The following SIPA1L1 variants were observed in gnomAD, a reference collection of about 807,000 sequenced individuals.
The protein encoded by SIPA1L1 is signal-induced proliferation-associated 1-like protein 1.
In SIPA1L1, 26 loss-of-function variants were observed where a neutral mutation model predicts 162.7. The ratio of observed to expected loss-of-function variants is 0.16; its 90% CI spans 0.12 to 0.22. The LOEUF (loss-of-function observed/expected upper bound fraction) is 0.22, where lower values mean the gene tolerates loss of function less well. SIPA1L1 is among the 10% of genes least tolerant of loss of function. The probability of loss-of-function intolerance (pLI) is 1.00; values close to 1 mark genes in which losing one functional copy is unlikely to be tolerated. For synonymous variants in SIPA1L1, 829 were observed against 837.4 expected, an observed-to-expected ratio of 0.99 and a Z score of 0.17; for missense variants, 1,874 against 2,241.0, an observed-to-expected ratio of 0.84 and a Z score of 3.31.
chr14:71,522,840 C>G (rs1470914463), intron 3 of SIPA1L1, among the ~76,000 whole-genome samples: 1 of 152,022 alleles, frequency 6.6e-6, no homozygotes, highest in Non-Finnish European at 1.5e-5. Flanking sequence ...ATTACAGGCT[C>G]CACCACCACA....
chr14:71,602,385 T>C (rs913659970), intron 5 of SIPA1L1, among the ~76,000 whole-genome samples: 2 of 152,218 alleles, frequency 1.3e-5, no homozygotes, highest in Admixed American at 1.3e-4. Context: ...TCTCTTATTA[T>C]TGGTTTCTAG....
intron 7 of SIPA1L1, among the ~76,000 whole-genome samples, chr14:71,638,097 C>A (rs2041345561): frequency 1.3e-5 from 2 of 152,092 alleles, no homozygotes; most frequent in South Asian, 4.2e-4. Context: ...ATCTACTGGG[C>A]CAGATGGTTT....
chr14:71,501,321 AAAAT>A (rs1010114047), intron 2 of SIPA1L1, among the ~76,000 whole-genome samples: 1 of 152,054 alleles, frequency 6.6e-6, no homozygotes, highest in Non-Finnish European at 1.5e-5. Context: ...CCCTGTCTCA[AAAAT>A]AAATAAATAA....
intron 2 of SIPA1L1, among the ~76,000 whole-genome samples, chr14:71,367,449 G>A (rs1188160916): frequency 6.6e-6 from 1 of 151,752 alleles, no homozygotes; most frequent in Non-Finnish European, 1.5e-5. Context: ...TGGGACTACA[G>A]GCGCCCGCCA....
At position 71,661,312 on chromosome 14, in the gene SIPA1L1, C is replaced by A; in HGVS notation, c.2100C>A (p.Leu700=). 1 of 1,611,604 alleles carries A rather than the reference C, an allele frequency of 6.2e-7. No individual in the cohort carries two copies. The highest frequency in any genetic ancestry group is 8.5e-7 in the Non-Finnish European group (1 of 1,178,700). ...TGGTTGCTTATTTTTTCTTGTAGCT[C>A]CTGAGGAAGCGGCACATTGGAAATG... ...LPYTPNNKQQ[L]LRKRHIGNDI... is the part of the protein sequence containing the mutation. Residue 700 remains leucine (L), a splice_region_variant and synonymous_variant, in exon 10 of 24, where the codon CTC becomes CTA. Coordinates refer to ENST00000381232, the MANE Select transcript of SIPA1L1 (RefSeq NM_001386936.1).
intron 5 of SIPA1L1, among the ~76,000 whole-genome samples, chr14:71,608,869 G>T (rs1322857931): frequency 6.6e-6 from 1 of 152,048 alleles, no homozygotes; most frequent in Admixed American, 6.5e-5. Context: ...TCCAGCCTGG[G>T]TGACAAAGCG....
At chr14:71,648,633 C>A (rs1483848014) in intron 7 of SIPA1L1, among the ~76,000 whole-genome samples, 2 of 152,070 alleles carry the variant, frequency 1.3e-5, no homozygotes, top group Non-Finnish European at 2.9e-5. Flanking sequence ...GGGGCAGTAC[C>A]CCACAATCAA....
At chr14:71,589,661 G>A (rs963293840) in intron 5 of SIPA1L1, among the ~76,000 whole-genome samples, 1 of 152,098 alleles carries the variant, frequency 6.6e-6, no homozygotes, top group African/African-American at 2.4e-5. Flanking sequence ...CAGTAGATTT[G>A]CTGTGTCACC....
chr14:71,484,694 A>G (rs2048612390), intron 2 of SIPA1L1, among the ~76,000 whole-genome samples: 1 of 152,216 alleles, frequency 6.6e-6, no homozygotes. Context: ...TGTTTATGTA[A>G]CAACTTACCA....
At chr14:71,374,224 G>A (rs1030079340) in intron 2 of SIPA1L1, among the ~76,000 whole-genome samples, 8 of 152,056 alleles carry the variant, frequency 5.3e-5, no homozygotes, top group Non-Finnish European at 7.4e-5. Context: ...TCAGGAAACC[G>A]GAGATATTTG....
intron 7 of SIPA1L1, among the ~76,000 whole-genome samples, chr14:71,640,024 C>T (rs550164575): frequency 6.6e-6 from 1 of 152,254 alleles, no homozygotes; most frequent in Non-Finnish European, 1.5e-5. Flanking sequence ...GTGCCTCAGT[C>T]TCCCGAGTAG....
At chr14:71,447,540 T>C (rs527769823) in intron 2 of SIPA1L1, among the ~76,000 whole-genome samples, 2 of 151,456 alleles carry the variant, frequency 1.3e-5, no homozygotes, top group African/African-American at 2.4e-5. Flanking sequence ...TTAATCTGAT[T>C]TTTTAAAAGC....
intron 5 of SIPA1L1, among the ~76,000 whole-genome samples, chr14:71,606,425 A>G (rs2037509247): frequency 1.3e-5 from 2 of 152,010 alleles, no homozygotes; most frequent in Admixed American, 1.3e-4. Flanking sequence ...GAATGTGGAG[A>G]TGCAAGTGCT....
intron 6 of SIPA1L1, among the ~76,000 whole-genome samples, chr14:71,623,113 G>A (rs76977364): frequency 0.011 from 1,715 of 152,204 alleles, 35 homozygotes; most frequent in African/African-American, 0.04. Context: ...TCTGCCTTTG[G>A]ACTGTCTGAG....
Position 71,723,895 on chromosome 14 carries a change from T to A in SIPA1L1, c.4448+9T>A. ...TTTATGGACACGAGAAAGTAAGAGTTACTTTCCTTCCCTTGCTGGTGGCTT... is the reference window on the plus strand; with the variant it reads ...TTTATGGACACGAGAAAGTAAGAGTAACTTTCCTTCCCTTGCTGGTGGCTT... On this transcript the variant is annotated intron_variant, in intron 18 of 23. Coordinates refer to ENST00000381232, the MANE Select transcript of SIPA1L1 (RefSeq NM_001386936.1). 6.2e-7 allele frequency: 1 copy of A among 1,613,890 alleles called. No individual in the cohort carries two copies. The highest frequency in any genetic ancestry group is 8.5e-7 in the Non-Finnish European group (1 of 1,179,822).
chr14:71,499,656 G>A (rs182473543), intron 2 of SIPA1L1, among the ~76,000 whole-genome samples: 9 of 151,716 alleles, frequency 5.9e-5, no homozygotes, highest in Non-Finnish European at 1.2e-4. Context: ...TTAGCAAAAG[G>A]AAAAAAAAGG....
chr14:71,705,998 C>T (rs1597118457), intron 16 of SIPA1L1, among the ~76,000 whole-genome samples: 1 of 151,922 alleles, frequency 6.6e-6, no homozygotes, highest in South Asian at 2.1e-4. Context: ...TGTGTCTGTT[C>T]ACTGGAATGT....
At chr14:71,656,270 C>A (rs2043047652) in intron 8 of SIPA1L1, among the ~76,000 whole-genome samples, 1 of 152,290 alleles carries the variant, frequency 6.6e-6, no homozygotes, top group South Asian at 2.1e-4. Flanking sequence ...GTTTTCCTCT[C>A]TGGCAGTAAT....
intron 2 of SIPA1L1, among the ~76,000 whole-genome samples, chr14:71,478,402 A>T (rs921634089): frequency 1.7e-4 from 26 of 152,154 alleles, no homozygotes; most frequent in Middle Eastern, 3.4e-3. Context: ...TCTTTTTTTT[A>T]AAGTACAGTG....
Sources: gnomAD v4.1 joint callset for allele counts (sites outside exome capture counted in the v4.1 genomes callset) on GRCh38, gnomAD v4.1.1 for gene constraint, MANE v1.5 for transcripts, NCBI Gene and HGNC (gene_info 2026-07-23, HGNC 2026-07-21) for gene names.